Variants in PLCG2 observed in about 807,000 individuals in gnomAD.
PLCG2 encodes 1-phosphatidylinositol 4,5-bisphosphate phosphodiesterase gamma-2.
Under a neutral mutation model 175.6 loss-of-function variants are expected in PLCG2, and 69 were observed. The ratio of observed to expected loss-of-function variants is 0.39; its 90% confidence interval spans 0.32 to 0.48. The LOEUF (loss-of-function observed/expected upper bound fraction) is 0.48, where lower values mean the gene tolerates loss of function less well. PLCG2 is among the 20% of genes least tolerant of loss of function. The pLI is 0.91. For missense variants in PLCG2, 1,798 were observed against 1,650.9 expected (o/e 1.09, Z -1.54); for synonymous variants, 827 against 624.0 (o/e 1.33, Z -4.85).
Position 81,836,454 on chromosome 16 carries a change from C to G in PLCG2, c.194-17990C>G, listed in dbSNP as rs558239731. Among the ~76,000 whole-genome samples, 3 of 152,248 alleles carry G rather than the reference C, an allele frequency of 2.0e-5. No individual in the cohort carries two copies. In the South Asian group the frequency reaches 6.2e-4, roughly 32 times the overall value. ...CCTTGGTAGTGGTTAAGAGTGCAAG[C>G]TTTGGGCCGGGCAAGGTGACTCATG... On this transcript the variant is annotated intron_variant, in intron 2 of 32. Coordinates refer to ENST00000564138, the MANE Select transcript of PLCG2 (RefSeq NM_002661.5).
intron 26 of PLCG2, among the ~76,000 whole-genome samples, chr16:81,935,040 C>T (rs889186706): frequency 6.6e-6 from 1 of 152,130 alleles, no homozygotes; most frequent in Non-Finnish European, 1.5e-5. Context: ...AACCATATCA[C>T]CCACTTAGTG....
At chr16:81,938,777 C>T in intron 28 of PLCG2, 24 bp from the exon 29 acceptor site, 1 of 1,484,228 alleles carries the variant, frequency 6.7e-7, no homozygotes, top group Non-Finnish European at 9.4e-7. Context: ...AGGGGGGTTC[C>T]AATGCTTCCC....
intron 6 of PLCG2, 25 bp downstream of exon 6, chr16:81,869,323 A>C: frequency 6.6e-7 from 1 of 1,507,624 alleles, no homozygotes; most frequent in Non-Finnish European, 9.2e-7. Context: ...TCAGCCTGGG[A>C]ATTTTATGAA....
rs1459221247 is a variant in PLCG2 at position 81,928,600 on chromosome 16, T to C, written c.2557T>C (p.Leu853=). 4 of 1,609,336 alleles carry C rather than the reference T, an allele frequency of 2.5e-6. No individual in the cohort carries two copies. Among genetic ancestry groups the C allele is most frequent in the Non-Finnish European group, 1.7e-6 (2 of 1,175,608 alleles). The change falls in exon 24 of 33, where the codon TTG becomes CTG. Residue 853 remains leucine (L), a synonymous_variant. Coordinates refer to ENST00000564138, the MANE Select transcript of PLCG2 (RefSeq NM_002661.5). The part of the protein sequence containing the change: ...NPLGSLCRGI[L]DLNTYNVVKA... ...CTTAGGGTCTCTTTGCAGAGGAATA[T>C]TGGACCTCAATACCTATAACGTCGG... is the stretch of plus-strand genomic sequence containing the variant.
chr16:81,927,305 T>C (rs1910316547), intron 23 of PLCG2, 127 bp downstream of exon 23: 2 of 684,620 alleles, frequency 2.9e-6, no homozygotes, highest in African/African-American at 1.8e-5. Flanking sequence ...GAGCTCTGGA[T>C]CAGGGAAGAC....
chr16:81,924,172 T>G (rs550093636), intron 22 of PLCG2, among the ~76,000 whole-genome samples: 1 of 152,366 alleles, frequency 6.6e-6, no homozygotes, highest in African/African-American at 2.4e-5. Flanking sequence ...CACTTCGCTT[T>G]TTAACCTTAG....
intron 31 of PLCG2, among the ~76,000 whole-genome samples, chr16:81,951,103 T>C (rs932998009): frequency 6.6e-6 from 1 of 152,106 alleles, no homozygotes; most frequent in East Asian, 1.9e-4. Context: ...TCTTCCTGAG[T>C]AGCTGGGACT....
intron 19 of PLCG2, among the ~76,000 whole-genome samples, chr16:81,913,058 G>C (rs1024670809): frequency 6.6e-5 from 10 of 152,202 alleles, no homozygotes; most frequent in African/African-American, 2.4e-4. Flanking sequence ...CTAAGTGGTG[G>C]GGCTGGGATT....
intron 30 of PLCG2, among the ~76,000 whole-genome samples, chr16:81,943,692 G>A (rs993061971): frequency 6.6e-6 from 1 of 152,186 alleles, no homozygotes; most frequent in Admixed American, 6.5e-5. Context: ...TTGCATTAAT[G>A]TTGGCATATC....
intron 5 of PLCG2, among the ~76,000 whole-genome samples, chr16:81,859,448 A>C (rs1219249936): frequency 6.6e-6 from 1 of 152,276 alleles, no homozygotes; most frequent in Non-Finnish European, 1.5e-5. Flanking sequence ...AAGTCCTGGT[A>C]ATACAGCAGT....
At chr16:81,884,021 A>G (rs867537727) in intron 9 of PLCG2, among the ~76,000 whole-genome samples, 1 of 152,220 alleles carries the variant, frequency 6.6e-6, no homozygotes, top group Admixed American at 6.5e-5. Flanking sequence ...TAAATATCCT[A>G]CATTGCACAG....
intron 2 of PLCG2, among the ~76,000 whole-genome samples, chr16:81,793,295 C>G (rs1025384498): frequency 6.6e-6 from 1 of 152,316 alleles, no homozygotes; most frequent in South Asian, 2.1e-4. Context: ...TGTTGGTTTT[C>G]TTTCCTTTCT....
chr16:81,910,473 GGC>G, intron 17 of PLCG2, 45 bp from the exon 18 acceptor site: 1 of 1,570,072 alleles, frequency 6.4e-7, no homozygotes, highest in Non-Finnish European at 8.8e-7. Context: ...CTGCCGCAAT[GGC>G]CTGGCCTGCG....
Position 81,919,679 on chromosome 16 carries a change from C to T in PLCG2, c.2235+15C>T. The T allele has an allele frequency of 4.4e-6, 7 of 1,601,068 alleles. No homozygotes were observed. The highest frequency in any genetic ancestry group is 6.0e-6 in the Non-Finnish European group (7 of 1,169,874). The stretch of plus-strand genomic sequence containing the variant: ...GCTACAATATGGTAGGTGGTGGACT[C>T]CCTTGTGATTTGGTGGGATTTCTTG... On this transcript the variant is annotated intron_variant, in intron 20 of 32. Transcript: ENST00000564138.
At chr16:81,885,782 C>T (rs1035527202) in intron 9 of PLCG2, among the ~76,000 whole-genome samples, 5 of 152,180 alleles carry the variant, frequency 3.3e-5, no homozygotes. Context: ...GCCATCCACA[C>T]TGAGGGCTCA....
rs149678057 is a variant in PLCG2 at position 81,911,449 on chromosome 16, A to G, written c.1934+729A>G. On this transcript the variant is annotated intron_variant, in intron 18 of 32. Coordinates refer to ENST00000564138, the MANE Select transcript of PLCG2 (RefSeq NM_002661.5). Reference sequence around the variant, plus strand: ...TGCTTGGGTGGATGAAGATGAATCAATTTTTTGAGACAAGGTGTTGCTCTG... The same window carrying G: ...TGCTTGGGTGGATGAAGATGAATCAGTTTTTTGAGACAAGGTGTTGCTCTG... Among the ~76,000 whole-genome samples, 65 of 152,128 alleles carry G rather than the reference A, an allele frequency of 4.3e-4. 1 individual carries two copies. In the East Asian group the frequency reaches 8.7e-3, roughly 20 times the overall value.
chr16:81,803,565 T>TCCTTA (rs1911845784), intron 2 of PLCG2, among the ~76,000 whole-genome samples: 1 of 149,304 alleles, frequency 6.7e-6, no homozygotes, highest in Non-Finnish European at 1.5e-5. Context: ...TTCCTTCCTT[T>TCCTTA]CCTTTCCTTT....
intron 2 of PLCG2, among the ~76,000 whole-genome samples, chr16:81,792,473 T>A (rs1383295632): frequency 4.0e-5 from 3 of 75,742 alleles, no homozygotes; most frequent in African/African-American, 2.1e-4. Flanking sequence ...AGAGCAAGGC[T>A]CTGTCTCAAA....
intron 2 of PLCG2, among the ~76,000 whole-genome samples, chr16:81,799,598 ATTT>A (rs35033377): frequency 3.7e-5 from 5 of 134,642 alleles, no homozygotes; most frequent in Non-Finnish European, 4.7e-5. Context: ...CCTGTTATTA[ATTT>A]TTTTTTTTTT....
Sources: gnomAD v4.1 joint callset for allele counts (sites outside exome capture counted in the v4.1 genomes callset) on GRCh38, gnomAD v4.1.1 for gene constraint, MANE v1.5 for transcripts, NCBI Gene and HGNC (gene_info 2026-07-23, HGNC 2026-07-21) for gene names.